TBCK: variants seen among roughly 807,000 people sequenced by gnomAD.
TBCK encodes TBC domain-containing protein kinase-like protein.
A neutral mutation model predicts 113.4 loss-of-function variants in TBCK; 99 were observed. The observed-to-expected ratio is 0.87, with a 90% CI of 0.74 to 1.03. The LOEUF (loss-of-function observed/expected upper bound fraction) is 1.03. TBCK is among the 50% of genes least tolerant of loss of function. The pLI is 0.00. For missense variants in TBCK, 1,045 were observed against 1,061.3 expected (o/e 0.98, Z 0.21); for synonymous variants, 369 against 370.8 (o/e 1.00, Z 0.05).
chr4:106,269,947 T>C (rs1763325968), intron 3 of TBCK, among the ~76,000 whole-genome samples: 3 of 152,314 alleles, frequency 2.0e-5, no homozygotes, highest in African/African-American at 7.2e-5. Context: ...TGATTTGTTA[T>C]GCTTAGACAG....
intron 24 of TBCK, among the ~76,000 whole-genome samples, chr4:106,101,927 T>C (rs529989775): frequency 5.9e-5 from 9 of 152,204 alleles, no homozygotes; most frequent in Non-Finnish European, 1.3e-4. Flanking sequence ...GAAATTCATG[T>C]CACTACATGA....
chr4:106,055,415 T>C (rs1735270204), intron 25 of TBCK, among the ~76,000 whole-genome samples: 1 of 151,692 alleles, frequency 6.6e-6, no homozygotes, highest in South Asian at 2.1e-4. Context: ...GAAAGAAAGA[T>C]AATTTAAAAT....
At chr4:106,106,801 G>A (rs772579234) in intron 24 of TBCK, among the ~76,000 whole-genome samples, 50 of 152,024 alleles carry the variant, frequency 3.3e-4, no homozygotes, top group Non-Finnish European at 5.9e-4. Context: ...TATGAACCTT[G>A]AATGTAAAGG....
In TBCK at chr4:106,135,798, T is replaced by C. The variant is rs1268479288; in HGVS notation, c.2236-19420A>G. Among the ~76,000 whole-genome samples the C allele has an allele frequency of 7.1e-5, 10 of 141,456 alleles. 2 individuals carry two copies. Among genetic ancestry groups the C allele is most frequent in the African/African-American group, 2.3e-4 (9 of 39,972 alleles). 92.8% of individuals were successfully genotyped at this position (141,456 alleles called of 152,430 possible). A position where few individuals can be genotyped will look rare whatever the true frequency, so the allele number is the denominator to read the frequency against. On this transcript the variant is annotated intron_variant, in intron 23 of 25. Transcript: ENST00000394708. The stretch of plus-strand genomic sequence containing the variant: ...AAGTCAATGGGTGTAAAAATGACAA[T>C]GGAGAGACTAGTCTCACTGAATTGA...
At chr4:106,066,226 G>A (rs1005561077) in intron 25 of TBCK, among the ~76,000 whole-genome samples, 1 of 151,864 alleles carries the variant, frequency 6.6e-6, no homozygotes, top group African/African-American at 2.4e-5. Flanking sequence ...CTGCATATCT[G>A]TATGACAAAA....
chr4:106,304,698 T>A (rs1200283223), intron 2 of TBCK, among the ~76,000 whole-genome samples: 1 of 152,170 alleles, frequency 6.6e-6, no homozygotes, highest in Non-Finnish European at 1.5e-5. Context: ...CACTTTGACA[T>A]AAGGATTTTG....
At chr4:106,218,469 A>G (rs1356865103) in intron 19 of TBCK, among the ~76,000 whole-genome samples, 1 of 144,386 alleles carries the variant, frequency 6.9e-6, no homozygotes, top group Non-Finnish European at 1.5e-5. Flanking sequence ...CAACCTACTC[A>G]TCTGACAAAG....
rs149438766 is a variant in TBCK at position 106,065,738 on chromosome 4, T to A, written c.2572-19058A>T. On this transcript the variant is annotated intron_variant, in intron 25 of 25. Coordinates refer to ENST00000394708, the MANE Select transcript of TBCK (RefSeq NM_001163435.3). The stretch of plus-strand genomic sequence containing the variant: ...TATTTGACTATACTTGATTATACTA[T>A]ACACTATAGCTCATTGCTTTATTTA... Among the ~76,000 whole-genome samples the A allele has an allele frequency of 5.0e-3, 766 of 152,162 alleles. 4 individuals are homozygous for A. Among genetic ancestry groups the A allele is most frequent in the African/African-American group, 0.018 (737 of 41,562 alleles).
chr4:106,286,671 T>TA (rs888771079), intron 3 of TBCK, among the ~76,000 whole-genome samples: 3 of 151,564 alleles, frequency 2.0e-5, no homozygotes, highest in African/African-American at 7.3e-5. Context: ...ATACAAAAAA[T>TA]AAAAAAATAG....
chr4:106,131,113 A>G (rs1745863361), intron 23 of TBCK, among the ~76,000 whole-genome samples: 1 of 152,148 alleles, frequency 6.6e-6, no homozygotes, highest in Admixed American at 6.5e-5. Context: ...GGTAGTGAGT[A>G]AGTCTCACGA....
In TBCK at chr4:106,233,065, C is replaced by T; in HGVS notation, c.1513-1G>A. The T allele has an allele frequency of 6.2e-7, 1 of 1,609,368 alleles. No individual in the cohort carries two copies. Among genetic ancestry groups the T allele is most frequent in the South Asian group, 1.1e-5 (1 of 90,640 alleles). ...GACAGCGAGGAATATCCACTTCAAT[C>T]TGTTAAAATAGCAAAATAATAAGGT... On this transcript the variant is annotated splice_acceptor_variant, in intron 16 of 25. Transcript: ENST00000394708. LOFTEE classifies it high-confidence loss of function.
At chr4:106,287,272 C>CT (rs1434000118) in intron 3 of TBCK, among the ~76,000 whole-genome samples, 2 of 151,570 alleles carry the variant, frequency 1.3e-5, no homozygotes, top group African/African-American at 4.9e-5. Flanking sequence ...ATAATCCTTT[C>CT]TTTTTTCTAC....
intron 23 of TBCK, among the ~76,000 whole-genome samples, chr4:106,132,644 G>C (rs1390019406): frequency 6.6e-6 from 1 of 152,202 alleles, no homozygotes; most frequent in East Asian, 1.9e-4. Context: ...TGCACTGTGA[G>C]CCTGGAAAAG....
chr4:106,282,386 T>C (rs1764691072), intron 3 of TBCK, among the ~76,000 whole-genome samples: 2 of 152,070 alleles, frequency 1.3e-5, no homozygotes, highest in African/African-American at 4.8e-5. Context: ...TATTATTTCA[T>C]TTGTTTCAAT....
chr4:106,097,758 G>A (rs1319600217), intron 24 of TBCK, among the ~76,000 whole-genome samples: 1 of 152,040 alleles, frequency 6.6e-6, no homozygotes, highest in Non-Finnish European at 1.5e-5. Context: ...GTAAATCTAG[G>A]TAGGTGAATA....
intron 23 of TBCK, among the ~76,000 whole-genome samples, chr4:106,116,885 T>C (rs961405516): frequency 2.0e-5 from 3 of 152,110 alleles, no homozygotes; most frequent in African/African-American, 7.2e-5. Flanking sequence ...TGGTAAGTTG[T>C]ATAATTATTT....
chr4:106,076,035 T>A (rs1207398434), intron 25 of TBCK, among the ~76,000 whole-genome samples: 1 of 152,200 alleles, frequency 6.6e-6, no homozygotes, highest in Non-Finnish European at 1.5e-5. Context: ...ATCCTGGCTC[T>A]GACACAGGCA....
intron 1 of TBCK, 139 bp downstream of exon 1, chr4:106,315,792 C>G (rs1233106546): frequency 6.6e-6 from 1 of 152,288 alleles, no homozygotes; most frequent in Non-Finnish European, 1.5e-5. Context: ...GAGACAGTAC[C>G]TATCAGCAAG....
chr4:106,270,166 T>C (rs1330562609), intron 3 of TBCK, among the ~76,000 whole-genome samples: 3 of 152,168 alleles, frequency 2.0e-5, no homozygotes, highest in Non-Finnish European at 2.9e-5. Flanking sequence ...TTATATCATA[T>C]GTATATATCC....
Sources: gnomAD v4.1 joint callset for allele counts (sites outside exome capture counted in the v4.1 genomes callset) on GRCh38, gnomAD v4.1.1 for gene constraint, MANE v1.5 for transcripts, NCBI Gene and HGNC (gene_info 2026-07-23, HGNC 2026-07-21) for gene names.